C10orf67: variants seen among roughly 807,000 people sequenced by gnomAD.
C10orf67 encodes the protein chromosome 10 open reading frame 67, also known as uncharacterized protein C10orf67, mitochondrial.
In C10orf67, 60 loss-of-function variants were observed where a neutral mutation model predicts 35.6. The ratio of observed to expected loss-of-function variants is 1.68; its 90% confidence interval spans 1.37 to 2.09. The LOEUF (loss-of-function observed/expected upper bound fraction) is 2.09. Among genes scored for constraint, C10orf67 ranks in the 30% most tolerant of loss-of-function variants. The pLI, the probability that C10orf67 is intolerant of heterozygous loss-of-function variation, is 0.00. For synonymous variants in C10orf67, 167 were observed against 115.8 expected, an observed-to-expected ratio of 1.44 and a Z score of -2.84; for missense variants, 474 against 330.2, an observed-to-expected ratio of 1.44 and a Z score of -3.38.
chr10:23,314,075 C>T (rs189160382), intron 4 of C10orf67, among the ~76,000 whole-genome samples: 46 of 152,228 alleles, frequency 3.0e-4, no homozygotes, highest in Admixed American at 1.9e-3. Context: ...ATAATCTCAG[C>T]GATTTGGGAG....
intron 2 of C10orf67, among the ~76,000 whole-genome samples, chr10:23,330,263 G>A (rs1231755259): frequency 6.6e-6 from 1 of 151,864 alleles, no homozygotes; most frequent in Non-Finnish European, 1.5e-5. Flanking sequence ...TTTGGGACCA[G>A]CTTGGGCAAC....
At chr10:23,204,557 C>T (rs1265500753) in intron 15 of C10orf67, among the ~76,000 whole-genome samples, 1 of 152,076 alleles carries the variant, frequency 6.6e-6, no homozygotes, top group East Asian at 1.9e-4. Context: ...TGATAAAGGC[C>T]AGTACTCAAC....
chr10:23,337,700 A>G (rs959416810), intron 1 of C10orf67, among the ~76,000 whole-genome samples: 2 of 152,212 alleles, frequency 1.3e-5, no homozygotes, highest in African/African-American at 4.8e-5. Context: ...CAACAAGGTC[A>G]AGGTTAATGA....
At chr10:23,253,106 G>A (rs1381445504) in intron 10 of C10orf67, among the ~76,000 whole-genome samples, 2 of 152,150 alleles carry the variant, frequency 1.3e-5, no homozygotes, top group Non-Finnish European at 2.9e-5. Flanking sequence ...GGCCTCCCCA[G>A]CCATGTGGAA....
At chr10:23,325,681 T>TA (rs5783837) in intron 2 of C10orf67, among the ~76,000 whole-genome samples, 74,559 of 144,954 alleles carry the variant, frequency 0.51, 19,821 homozygotes, top group East Asian at 0.85. Flanking sequence ...ATTATATATA[T>TA]AAAAAAAAAA....
rs1253198190 is a variant in C10orf67 at position 23,344,594 on chromosome 10, G to A, written c.181C>T (p.Pro61Ser). Reference sequence around the variant, plus strand: ...CTCGTGGACCCGCGCATTTGCGGGGGCTTGAATTCCCGAGCTTCTCGCTTC... The same window carrying A: ...CTCGTGGACCCGCGCATTTGCGGGGACTTGAATTCCCGAGCTTCTCGCTTC... ...RRKREAREFK[P>S]PQMRGSTRLN... is the part of the protein sequence containing the mutation. The change falls in exon 1 of 16, where the codon CCC (proline) becomes TCC (serine). Residue 61 changes from proline (P) to serine (S), a missense_variant. Transcript: ENST00000636213. 2.5e-6 allele frequency: 4 copies of A among 1,579,768 alleles called. No homozygotes were observed. Among genetic ancestry groups the A allele is most frequent in the Admixed American group, 3.6e-5 (2 of 54,888 alleles).
At chr10:23,271,059 A>C (rs183168789) in intron 8 of C10orf67, among the ~76,000 whole-genome samples, 171 of 152,216 alleles carry the variant, frequency 1.1e-3, no homozygotes, top group Admixed American at 1.9e-3. Context: ...ATATGCTCAA[A>C]ATAAAGGGAG....
At chr10:23,272,833 A>T (rs1435313040) in intron 8 of C10orf67, among the ~76,000 whole-genome samples, 2 of 152,174 alleles carry the variant, frequency 1.3e-5, no homozygotes, top group East Asian at 3.8e-4. Flanking sequence ...ACAATGGAAT[A>T]TTTCTGCACC....
chr10:23,226,637 C>T (rs549211736), intron 13 of C10orf67, among the ~76,000 whole-genome samples: 4 of 152,104 alleles, frequency 2.6e-5, no homozygotes, highest in African/African-American at 9.6e-5. Context: ...TTCAAAAAAT[C>T]AATGAATCCA....
intron 2 of C10orf67, among the ~76,000 whole-genome samples, chr10:23,326,343 A>G (rs573949577): frequency 6.6e-6 from 1 of 152,298 alleles, no homozygotes; most frequent in East Asian, 1.9e-4. Flanking sequence ...AATAATGGTT[A>G]TTTTCTTAGA....
At chr10:23,278,944 C>A (rs1843277509) in intron 8 of C10orf67, among the ~76,000 whole-genome samples, 1 of 152,174 alleles carries the variant, frequency 6.6e-6, no homozygotes, top group South Asian at 2.1e-4. Flanking sequence ...TGCCTTCTAG[C>A]TCTTTGACTT....
intron 7 of C10orf67, among the ~76,000 whole-genome samples, chr10:23,287,774 GA>G (rs1214049094): frequency 6.6e-6 from 1 of 151,824 alleles, no homozygotes; most frequent in Non-Finnish European, 1.5e-5. Flanking sequence ...AAATTTACAA[GA>G]AAAAAACAAA....
chr10:23,208,570 T>C (rs536545943), intron 15 of C10orf67, among the ~76,000 whole-genome samples: 1 of 152,324 alleles, frequency 6.6e-6, no homozygotes, highest in East Asian at 1.9e-4. Flanking sequence ...TCTTAGAACA[T>C]AAATTCCAGG....
intron 15 of C10orf67, among the ~76,000 whole-genome samples, chr10:23,206,620 G>T (rs1841165389): frequency 6.6e-6 from 1 of 152,158 alleles, no homozygotes; most frequent in African/African-American, 2.4e-5. Context: ...AATAAAGATT[G>T]TTTTTCTGTT....
chr10:23,223,812 T>A lies in C10orf67; in HGVS notation c.1441A>T (p.Lys481Ter), dbSNP rs1335007493. The change falls in exon 14 of 16, where the codon AAA becomes TAA. Residue 481 changes from lysine to a stop codon, truncating the protein, a stop_gained. Coordinates refer to ENST00000636213, the MANE Select transcript of C10orf67 (RefSeq NM_001371909.1). LOFTEE classifies it high-confidence loss of function. ...GTTCTAGACTGCACTAATAAGGGTT[T>A]TACTTTCTGAAAGACACAAAAGATA... Reference protein sequence around the residue: ...ADTSFNYIKVKPLLVQSRTTM... With the variant: ...ADTSFNYIKV 4 of 715,058 alleles carry A rather than the reference T, an allele frequency of 5.6e-6. No homozygotes were observed. Among genetic ancestry groups the A allele is most frequent in the Non-Finnish European group, 7.8e-6 (3 of 384,882 alleles). The allele number at this position is 715,058 out of a possible 1,614,324, so 44.3% of individuals were successfully genotyped here. A position where few individuals can be genotyped will look rare whatever the true frequency, so the allele number is the denominator to read the frequency against.
intron 15 of C10orf67, among the ~76,000 whole-genome samples, chr10:23,206,947 G>GA (rs1015593392): frequency 2.6e-5 from 4 of 152,036 alleles, no homozygotes; most frequent in African/African-American, 9.7e-5. Context: ...TTAGTCATTG[G>GA]AAAAAAAGCA....
At chr10:23,213,360 C>T (rs573766923) in intron 15 of C10orf67, among the ~76,000 whole-genome samples, 10 of 152,244 alleles carry the variant, frequency 6.6e-5, no homozygotes, top group African/African-American at 2.4e-4. Flanking sequence ...TCATCAGATC[C>T]AAATTTTATC....
chr10:23,232,928 G>A (rs1366447633), intron 13 of C10orf67, among the ~76,000 whole-genome samples: 3 of 152,064 alleles, frequency 2.0e-5, no homozygotes, highest in South Asian at 2.1e-4. Context: ...AGGCTGAGGC[G>A]GGAGGATCAC....
chr10:23,223,557 A>G (rs1201496552), intron 15 of C10orf67, 41 bp downstream of exon 15: 2 of 716,908 alleles, frequency 2.8e-6, no homozygotes, highest in Admixed American at 2.0e-5. Context: ...CTAAGTAGCC[A>G]TTCTGGTGTG....
Sources: gnomAD v4.1 joint callset for allele counts (sites outside exome capture counted in the v4.1 genomes callset) on GRCh38, gnomAD v4.1.1 for gene constraint, MANE v1.5 for transcripts, NCBI Gene and HGNC (gene_info 2026-07-23, HGNC 2026-07-21) for gene names.